PTPRO: variants seen among roughly 807,000 people sequenced by gnomAD.
The protein encoded by PTPRO is receptor-type tyrosine-protein phosphatase O.
PTPRO carries 62 observed loss-of-function variants against 145.2 expected under a neutral mutation model. The ratio of observed to expected loss-of-function variants is 0.43; its 90% CI spans 0.35 to 0.53. The LOEUF (loss-of-function observed/expected upper bound fraction) is 0.53, where lower values mean the gene tolerates loss of function less well. PTPRO is among the 20% of genes least tolerant of loss of function. The pLI is 0.01. For synonymous variants in PTPRO, 565 were observed against 514.7 expected (o/e 1.10, Z -1.32); for missense variants, 1,345 against 1,482.7 (o/e 0.91, Z 1.53).
chr12:15,516,501 AAAAG>A (rs1565678574), intron 8 of PTPRO, among the ~76,000 whole-genome samples: 9 of 127,320 alleles, frequency 7.1e-5, no homozygotes, highest in African/African-American at 2.0e-4. Context: ...GGAAAGAAAG[AAAAG>A]AAAGAAAGAA....
intron 1 of PTPRO, among the ~76,000 whole-genome samples, chr12:15,393,012 G>A (rs1456542539): frequency 6.6e-6 from 1 of 152,076 alleles, no homozygotes; most frequent in Non-Finnish European, 1.5e-5. Flanking sequence ...TGATTTTGTT[G>A]TTTATTTCTA....
chr12:15,451,542 C>A (rs1347867196), intron 1 of PTPRO, among the ~76,000 whole-genome samples: 1 of 152,158 alleles, frequency 6.6e-6, no homozygotes, highest in Non-Finnish European at 1.5e-5. Flanking sequence ...ACAGAATATG[C>A]ATTCTACTCA....
chr12:15,555,243 G>GA (rs955215423), intron 15 of PTPRO, among the ~76,000 whole-genome samples: 8 of 149,588 alleles, frequency 5.3e-5, no homozygotes, highest in Non-Finnish European at 8.9e-5. Context: ...TCCGTCTCAG[G>GA]AAAAAAAAAA....
At chr12:15,515,920 G>T (rs1260936309) in intron 8 of PTPRO, among the ~76,000 whole-genome samples, 1 of 151,550 alleles carries the variant, frequency 6.6e-6, no homozygotes, top group Admixed American at 6.6e-5. Context: ...GGGAGGCTGA[G>T]GTGGGAGGAC....
At chr12:15,377,751 C>T (rs186195759) in intron 1 of PTPRO, among the ~76,000 whole-genome samples, 1 of 152,074 alleles carries the variant, frequency 6.6e-6, no homozygotes, top group African/African-American at 2.4e-5. Flanking sequence ...AGTCATTAGA[C>T]AAGCCTCAGT....
chr12:15,520,755 G>A (rs969603803), intron 10 of PTPRO, among the ~76,000 whole-genome samples: 1 of 152,104 alleles, frequency 6.6e-6, no homozygotes, highest in African/African-American at 2.4e-5. Context: ...TTAAAAAATA[G>A]GGTTTAGAGA....
At chr12:15,485,758 A>C (rs74070737) in intron 2 of PTPRO, among the ~76,000 whole-genome samples, 1,681 of 152,266 alleles carry the variant, frequency 0.011, 29 homozygotes, top group African/African-American at 0.038. Flanking sequence ...AATTTCTAGA[A>C]TATCACTTAG....
At chr12:15,556,708 T>C (rs1943636738) in intron 15 of PTPRO, among the ~76,000 whole-genome samples, 1 of 152,158 alleles carries the variant, frequency 6.6e-6, no homozygotes, top group Non-Finnish European at 1.5e-5. Context: ...ACTATCATTG[T>C]AGGGAGGAAA....
chr12:15,429,510 G>A (rs556428863), intron 1 of PTPRO, among the ~76,000 whole-genome samples: 5 of 152,208 alleles, frequency 3.3e-5, no homozygotes, highest in Admixed American at 1.3e-4. Flanking sequence ...ATCAAAGAAG[G>A]CAGCATATGC....
chr12:15,406,612 C>A (rs537232772), intron 1 of PTPRO, among the ~76,000 whole-genome samples: 1 of 152,030 alleles, frequency 6.6e-6, no homozygotes, highest in Non-Finnish European at 1.5e-5. Context: ...GTTGAACAGG[C>A]AATAATGCCA....
chr12:15,471,111 T>C (rs1040765665), intron 1 of PTPRO, among the ~76,000 whole-genome samples: 5 of 152,296 alleles, frequency 3.3e-5, no homozygotes, highest in African/African-American at 9.6e-5. Flanking sequence ...TTTCTTCATT[T>C]TGAAACCATA....
intron 2 of PTPRO, among the ~76,000 whole-genome samples, chr12:15,484,947 T>C (rs775386635): frequency 3.3e-5 from 5 of 152,160 alleles, no homozygotes; most frequent in Non-Finnish European, 5.9e-5. Flanking sequence ...TATGTTGACA[T>C]GTGGAAGAAA....
intron 12 of PTPRO, among the ~76,000 whole-genome samples, chr12:15,527,719 G>A (rs569682941): frequency 2.6e-5 from 4 of 152,310 alleles, no homozygotes; most frequent in Non-Finnish European, 5.9e-5. Flanking sequence ...TGAAATGTAG[G>A]CAGTGATCTA....
chr12:15,456,729 G>T (rs1200554364), intron 1 of PTPRO, among the ~76,000 whole-genome samples: 1 of 152,052 alleles, frequency 6.6e-6, no homozygotes, highest in Non-Finnish European at 1.5e-5. Flanking sequence ...ATGTCTTCTA[G>T]GTTATCCAAT....
chr12:15,442,746 G>A (rs1940803453), intron 1 of PTPRO, among the ~76,000 whole-genome samples: 1 of 151,894 alleles, frequency 6.6e-6, no homozygotes. Flanking sequence ...ATTTACAATA[G>A]CCACACACAC....
At chr12:15,588,868 AC>A (rs1336030418) in intron 24 of PTPRO, among the ~76,000 whole-genome samples, 1 of 152,140 alleles carries the variant, frequency 6.6e-6, no homozygotes, top group Non-Finnish European at 1.5e-5. Context: ...AGAAGCAGAG[AC>A]CCCGATAAAG....
intron 8 of PTPRO, among the ~76,000 whole-genome samples, chr12:15,515,967 G>A (rs1004094188): frequency 3.2e-5 from 4 of 126,954 alleles, no homozygotes; most frequent in Admixed American, 2.3e-4. Flanking sequence ...TTTTTGTTTT[G>A]TTTGTCTGGT....
At chr12:15,439,568 CGGGGGCCCT>C (rs1302833920) in intron 1 of PTPRO, 2 of 270,780 alleles carry the variant, frequency 7.4e-6, no homozygotes, top group Non-Finnish European at 1.5e-5. Flanking sequence ...CCGGAGGACT[CGGGGGCCCT>C]GGGATGGGGA....
chr12:15,467,861 T>C (rs1941452282), intron 1 of PTPRO, among the ~76,000 whole-genome samples: 1 of 152,168 alleles, frequency 6.6e-6, no homozygotes. Context: ...TACAAAGCAT[T>C]TGTGAACGTT....
Sources: allele counts gnomAD v4.1 joint callset (sites outside exome capture counted in the v4.1 genomes callset), GRCh38; gene constraint gnomAD v4.1.1; transcripts MANE v1.5; gene names NCBI Gene and HGNC (gene_info 2026-07-23, HGNC 2026-07-21).